The following ADGRV1 variants were observed in gnomAD, a reference collection of about 807,000 sequenced individuals.
ADGRV1 encodes G-protein coupled receptor 98.
A neutral mutation model predicts 596.2 loss-of-function variants in ADGRV1; 359 were observed. The observed-to-expected ratio is 0.60, with a 90% confidence interval of 0.55 to 0.66. The LOEUF (loss-of-function observed/expected upper bound fraction) is 0.66. Ranked by LOEUF, ADGRV1 falls within the 30% of genes least tolerant of loss-of-function variation. The pLI is 0.00. For synonymous variants in ADGRV1, 2,681 were observed against 2,679.2 expected (o/e 1.00, Z -0.02); for missense variants, 7,274 against 7,575.6 (o/e 0.96, Z 1.48).
chr5:90,906,263 C>T (rs1772314187), intron 83 of ADGRV1, among the ~76,000 whole-genome samples: 1 of 151,860 alleles, frequency 6.6e-6, no homozygotes, highest in Non-Finnish European at 1.5e-5. Context: ...GGAAGTATTC[C>T]CTCTTCCTCT....
chr5:90,880,256 A>G (rs1769629592), intron 83 of ADGRV1, among the ~76,000 whole-genome samples: 1 of 152,174 alleles, frequency 6.6e-6, no homozygotes, highest in East Asian at 1.9e-4. Flanking sequence ...TTAACCACTA[A>G]ATTACAAACA....
At chr5:90,847,226 G>A (rs1262982591) in intron 78 of ADGRV1, among the ~76,000 whole-genome samples, 1 of 150,844 alleles carries the variant, frequency 6.6e-6, no homozygotes, top group Non-Finnish European at 1.5e-5. Context: ...GCTGATTGGT[G>A]TATTTACAAT....
At chr5:91,024,201 T>G (rs879607269) in intron 85 of ADGRV1, among the ~76,000 whole-genome samples, 21 of 152,156 alleles carry the variant, frequency 1.4e-4, no homozygotes, top group Non-Finnish European at 3.1e-4. Context: ...TTTCTTCCAT[T>G]GTATGGCCAC....
rs1417064937 is a variant in ADGRV1, at chr5:90,605,112, A to G, written c.23-9723A>G. On this transcript the variant is annotated intron_variant, in intron 1 of 89. Transcript: ENST00000405460. ...AATGTCAAGCTTAAATATTCTAGAAAGAAGATAGAAATCAGAAGTTCAGTT... is the reference window on the plus strand; with the variant it reads ...AATGTCAAGCTTAAATATTCTAGAAGGAAGATAGAAATCAGAAGTTCAGTT... 2.0e-5 allele frequency among the ~76,000 whole-genome samples: 3 copies of G among 152,210 alleles called. No homozygotes were observed. In the South Asian group the frequency reaches 6.2e-4, roughly 32 times the overall value.
In ADGRV1 at chr5:90,692,613, AGT is replaced by A. The variant is rs1276890742; in HGVS notation, c.6962_6963del (p.Val2321AlafsTer4). The A allele has an allele frequency of 6.2e-7, 1 of 1,607,142 alleles. No individual in the cohort carries two copies. Among genetic ancestry groups the A allele is most frequent in the Non-Finnish European group, 8.5e-7 (1 of 1,177,150 alleles). ...DVPEIEEVIQ[V>X]QLTDASGGGT... ...TTTCACTGTATTTTTAGGTTATCCA[AGT>A]GCAACTAACTGATGCCTCTGGTGGA... On this transcript the variant is annotated frameshift_variant, in exon 32 of 90. Transcript: ENST00000405460. LOFTEE classifies it high-confidence loss of function.
chr5:90,580,675 G>C (rs1757907002), intron 1 of ADGRV1, among the ~76,000 whole-genome samples: 1 of 152,138 alleles, frequency 6.6e-6, no homozygotes, highest in Non-Finnish European at 1.5e-5. Flanking sequence ...ACTTCCCTTT[G>C]TGGGTAACCC....
At chr5:90,935,956 T>C (rs1168744328) in intron 83 of ADGRV1, among the ~76,000 whole-genome samples, 2 of 152,166 alleles carry the variant, frequency 1.3e-5, no homozygotes, top group African/African-American at 4.8e-5. Flanking sequence ...ATCACTGCAC[T>C]ACAGCCTGAG....
intron 77 of ADGRV1, among the ~76,000 whole-genome samples, chr5:90,833,222 C>T (rs961852295): frequency 3.3e-5 from 5 of 150,212 alleles, no homozygotes; most frequent in Admixed American, 3.3e-4. Flanking sequence ...TCTTCCAATC[C>T]ATGAACATTA....
At chr5:90,569,525 T>C (rs1756249434) in intron 1 of ADGRV1, among the ~76,000 whole-genome samples, 1 of 149,828 alleles carries the variant, frequency 6.7e-6, no homozygotes, top group African/African-American at 2.4e-5. Flanking sequence ...TTCTGCCTTT[T>C]AATTGGAGTA....
intron 85 of ADGRV1, among the ~76,000 whole-genome samples, chr5:90,989,349 G>A (rs981827211): frequency 1.3e-5 from 2 of 152,188 alleles, no homozygotes; most frequent in African/African-American, 4.8e-5. Flanking sequence ...CATTCTCTAT[G>A]AAATGTCCAC....
intron 1 of ADGRV1, among the ~76,000 whole-genome samples, chr5:90,581,188 A>G (rs994580698): frequency 6.6e-6 from 1 of 152,130 alleles, no homozygotes; most frequent in African/African-American, 2.4e-5. Context: ...CTTCCTTGCG[A>G]TAGGTTAGAA....
rs189555145 is a variant in ADGRV1, at chr5:90,837,676, G to A, written c.16612-2902G>A. On this transcript the variant is annotated intron_variant, in intron 77 of 89. Coordinates refer to ENST00000405460, the MANE Select transcript of ADGRV1 (RefSeq NM_032119.4). ...TAATTCTTCTTTGTGTTTATTATATGTATTTTATAAACACAAGAACATTTT... is the reference window on the plus strand; with the variant it reads ...TAATTCTTCTTTGTGTTTATTATATATATTTTATAAACACAAGAACATTTT... Among the ~76,000 whole-genome samples, 29 of 152,040 alleles carry A rather than the reference G, an allele frequency of 1.9e-4. No homozygotes were observed. In the East Asian group the frequency reaches 4.8e-3, roughly 25 times the overall value.
At chr5:90,566,401 A>G (rs941732853) in intron 1 of ADGRV1, among the ~76,000 whole-genome samples, 1 of 152,230 alleles carries the variant, frequency 6.6e-6, no homozygotes, top group South Asian at 2.1e-4. Context: ...CATTTGCTGA[A>G]TAAATCATTC....
At chr5:90,700,511 T>C (rs183321433) in intron 34 of ADGRV1, among the ~76,000 whole-genome samples, 1 of 152,304 alleles carries the variant, frequency 6.6e-6, no homozygotes, top group East Asian at 1.9e-4. Context: ...TATGGGACAA[T>C]GGATTTTACT....
At chr5:90,959,719 GA>G (rs1215578509) in intron 83 of ADGRV1, among the ~76,000 whole-genome samples, 1 of 151,892 alleles carries the variant, frequency 6.6e-6, no homozygotes, top group East Asian at 1.9e-4. Context: ...AAATGGTGCT[GA>G]AAAAAATTGG....
chr5:90,667,950 G>A (rs981365773), intron 21 of ADGRV1, among the ~76,000 whole-genome samples: 12 of 152,006 alleles, frequency 7.9e-5, no homozygotes, highest in East Asian at 3.9e-4. Flanking sequence ...ACCCACTTGA[G>A]GAGGCAGTCT....
At chr5:90,815,247 G>A (rs181016564) in intron 74 of ADGRV1, among the ~76,000 whole-genome samples, 3 of 152,222 alleles carry the variant, frequency 2.0e-5, no homozygotes, top group African/African-American at 4.8e-5. Context: ...ATACAGTAGC[G>A]AATAAAAGTT....
intron 72 of ADGRV1, among the ~76,000 whole-genome samples, chr5:90,807,319 A>C (rs1251766268): frequency 6.6e-6 from 1 of 152,198 alleles, no homozygotes; most frequent in Non-Finnish European, 1.5e-5. Flanking sequence ...CTAAGTCTAT[A>C]TTAAAGCTTG....
At chr5:90,643,696 A>G in intron 13 of ADGRV1, 107 bp from the exon 14 acceptor site, 1 of 812,082 alleles carries the variant, frequency 1.2e-6, no homozygotes, top group Non-Finnish European at 1.9e-6. Context: ...AGTGAGTTAT[A>G]TGCTTCTGAA....
Sources: allele counts gnomAD v4.1 joint callset (sites outside exome capture counted in the v4.1 genomes callset), GRCh38; gene constraint gnomAD v4.1.1; transcripts MANE v1.5; gene names NCBI Gene and HGNC (gene_info 2026-07-23, HGNC 2026-07-21).